The following PCDHGA3 variants were observed in gnomAD, a reference collection of about 807,000 sequenced individuals.
PCDHGA3 encodes the protein protocadherin gamma subfamily A, 3.
PCDHGA3 carries 40 observed loss-of-function variants against 58.5 expected under a neutral mutation model. That is an observed-to-expected ratio of 0.68 (90% confidence interval 0.53 to 0.89). The LOEUF is 0.89. Among genes scored for constraint, PCDHGA3 ranks in the 40% least tolerant of loss-of-function variants. PCDHGA3 has a pLI of 0.00. For missense variants in PCDHGA3, 1,223 were observed against 1,195.9 expected (o/e 1.02, Z -0.33); for synonymous variants, 530 against 525.7 (o/e 1.01, Z -0.11).
chr5:141,400,221 C>T (rs377228541), intron 1 of PCDHGA3: 36 of 1,614,060 alleles, frequency 2.2e-5, no homozygotes, highest in Admixed American at 6.7e-5. Flanking sequence ...TCTCAGTGCT[C>T]TTCCTCCTGG....
intron 1 of PCDHGA3, chr5:141,365,075 G>T (rs754573655): frequency 1.2e-6 from 2 of 1,613,724 alleles, no homozygotes; most frequent in South Asian, 1.1e-5. Flanking sequence ...CGAGTACAGC[G>T]TGAGTGTTCC....
chr5:141,467,203 C>T (rs896621746), intron 1 of PCDHGA3, among the ~76,000 whole-genome samples: 1 of 152,052 alleles, frequency 6.6e-6, no homozygotes, highest in African/African-American at 2.4e-5. Flanking sequence ...CAGGCACATG[C>T]CACCATGCCT....
At chr5:141,369,877 C>T (rs1191397409) in intron 1 of PCDHGA3, among the ~76,000 whole-genome samples, 2 of 152,018 alleles carry the variant, frequency 1.3e-5, no homozygotes, top group Non-Finnish European at 2.9e-5. Flanking sequence ...CTAGAGTAAG[C>T]AGAGAAGATA....
intron 1 of PCDHGA3, chr5:141,372,479 G>A (rs568230269): frequency 1.9e-6 from 3 of 1,614,020 alleles, no homozygotes; most frequent in African/African-American, 2.7e-5. Flanking sequence ...TAGTAGTGGC[G>A]TTGGCCTTGA....
In PCDHGA3 at chr5:141,486,217, T is replaced by C; in HGVS notation, c.2425-8590T>C. ...TGCTGGACGTAAATGACAATGCCCC[T>C]TACATCACAGTGACCTCAGAGCTTG... On this transcript the variant is annotated intron_variant, in intron 1 of 3. Coordinates refer to ENST00000253812, the MANE Select transcript of PCDHGA3 (RefSeq NM_018916.4). The surrounding 1 kb of genome is among the most constrained non-coding windows in gnomAD (Gnocchi z 5.0). The C allele has an allele frequency of 6.2e-7, 1 of 1,614,120 alleles. No homozygotes were observed.
intron 1 of PCDHGA3, chr5:141,384,591 C>T (rs1780246263): frequency 6.2e-7 from 1 of 1,614,114 alleles, no homozygotes; most frequent in South Asian, 1.1e-5. Flanking sequence ...AGATCCTGTA[C>T]CCGGCCCTCC....
intron 1 of PCDHGA3, chr5:141,418,513 G>T (rs377653202): frequency 1.1e-4 from 173 of 1,613,842 alleles, no homozygotes; most frequent in Non-Finnish European, 1.2e-4. Flanking sequence ...TAGATGGTGG[G>T]GACCCTCCCC....
chr5:141,372,442 A>T, intron 1 of PCDHGA3: 1 of 1,613,914 alleles, frequency 6.2e-7, no homozygotes, highest in South Asian at 1.1e-5. Flanking sequence ...ACTCCCTCTG[A>T]CCCTCAGGCG....
intron 1 of PCDHGA3, among the ~76,000 whole-genome samples, chr5:141,445,924 A>G (rs1451439271): frequency 6.6e-6 from 1 of 152,184 alleles, no homozygotes; most frequent in Non-Finnish European, 1.5e-5. Flanking sequence ...GTGACAAGAT[A>G]TTTGAATTAT....
rs74792071 is a variant in PCDHGA3 at position 141,437,248 on chromosome 5, T to C, written c.2425-57559T>C. 4.6e-3 allele frequency among the ~76,000 whole-genome samples: 704 copies of C among 152,360 alleles called. 4 individuals carry two copies. The highest frequency in any genetic ancestry group is 0.015 in the African/African-American group (641 of 41,594). On this transcript the variant is annotated intron_variant, in intron 1 of 3. Transcript: ENST00000253812. ...CATAAAATTATGTCAAGGACTTTCC[T>C]TGTCTTTTTATGTGTATGACAGATG... is the stretch of plus-strand genomic sequence containing the variant.
chr5:141,470,911 G>A (rs1208467445), intron 1 of PCDHGA3, among the ~76,000 whole-genome samples: 1 of 151,916 alleles, frequency 6.6e-6, no homozygotes, highest in Non-Finnish European at 1.5e-5. Context: ...AGATGGGACT[G>A]TCCCTATGTT....
intron 1 of PCDHGA3, chr5:141,383,266 A>T: frequency 6.2e-7 from 1 of 1,613,948 alleles, no homozygotes. Context: ...AGACGTGGAA[A>T]TAATAGATAT....
At chr5:141,384,265 T>G in intron 1 of PCDHGA3, 1 of 1,613,814 alleles carries the variant, frequency 6.2e-7, no homozygotes, top group Non-Finnish European at 8.5e-7. Context: ...CCCCCACTCA[T>G]CCTACTCAGT....
chr5:141,497,497 C>T (rs1318882060), intron 2 of PCDHGA3, among the ~76,000 whole-genome samples: 1 of 151,714 alleles, frequency 6.6e-6, no homozygotes, highest in Non-Finnish European at 1.5e-5. Context: ...TCTCTCTCTC[C>T]TCTCTCTGCT....
At chr5:141,410,393 C>G in intron 1 of PCDHGA3, 3 of 1,614,046 alleles carry the variant, frequency 1.9e-6, no homozygotes, top group Non-Finnish European at 2.5e-6. Flanking sequence ...CCATCCTGGT[C>G]TCTGTGTCAA....
In PCDHGA3 at chr5:141,476,702, C is replaced by A. The variant is rs751321222; in HGVS notation, c.2425-18105C>A. 1.4e-5 allele frequency: 23 copies of A among 1,614,104 alleles called. No individual in the cohort carries two copies. Among genetic ancestry groups the A allele is most frequent in the Non-Finnish European group, 1.7e-5 (20 of 1,180,050 alleles). ...GGAGGACAGCACCAAGTACGCGGAG[C>A]TGGTGTTGGAGCGCGCCCTGGACCG... is the stretch of plus-strand genomic sequence containing the variant. On this transcript the variant is annotated intron_variant, in intron 1 of 3. Coordinates refer to ENST00000253812, the MANE Select transcript of PCDHGA3 (RefSeq NM_018916.4). The surrounding 1 kb of genome is among the most constrained non-coding windows in gnomAD (Gnocchi z 7.6).
rs753936459 is a variant in PCDHGA3 at position 141,501,288 on chromosome 5, TATAC to T, written c.2484-4103_2484-4100del. Among the ~76,000 whole-genome samples the T allele has an allele frequency of 4.5e-4, 37 of 81,322 alleles. No homozygotes were observed. The South Asian group carries it at 5.1e-3, about 11-fold the overall frequency. 53.4% of individuals were successfully genotyped at this position (81,322 alleles called of 152,430 possible). A position where few individuals can be genotyped will look rare whatever the true frequency, so the allele number is the denominator to read the frequency against. ...TAGTCCAGTCTATGGGATATTCCCT[TATAC>T]ACACACACACACACACACACACACA... On this transcript the variant is annotated intron_variant, in intron 2 of 3. Coordinates refer to ENST00000253812, the MANE Select transcript of PCDHGA3 (RefSeq NM_018916.4).
chr5:141,393,393 C>G (rs1244010216), intron 1 of PCDHGA3: 2 of 1,613,900 alleles, frequency 1.2e-6, no homozygotes, highest in African/African-American at 1.3e-5. Context: ...AAACCCAGAG[C>G]TGGTGCTGGA....
At chr5:141,365,192 A>G (rs1163553261) in intron 1 of PCDHGA3, 2 of 1,613,812 alleles carry the variant, frequency 1.2e-6, no homozygotes, top group African/African-American at 2.7e-5. Context: ...AGAAGAAAAA[A>G]TTTCGGAGAC....
Sources: allele counts gnomAD v4.1 joint callset (sites outside exome capture counted in the v4.1 genomes callset), GRCh38; gene constraint gnomAD v4.1.1; non-coding constraint Gnocchi (gnomAD v3.1); transcripts MANE v1.5; gene names NCBI Gene and HGNC (gene_info 2026-07-23, HGNC 2026-07-21).